Variants in PDE1C observed in about 807,000 individuals in gnomAD.
PDE1C encodes the protein dual specificity calcium/calmodulin-dependent 3',5'-cyclic nucleotide phosphodiesterase 1C.
In PDE1C, 62 loss-of-function variants were observed where a neutral mutation model predicts 93.1. The ratio of observed to expected loss-of-function variants is 0.67; its 90% confidence interval spans 0.54 to 0.82. The LOEUF (loss-of-function observed/expected upper bound fraction) is 0.82, where lower values mean the gene tolerates loss of function less well. Among genes scored for constraint, PDE1C ranks in the 40% least tolerant of loss-of-function variants. PDE1C has a pLI of 0.00. For synonymous variants in PDE1C, 325 were observed against 310.1 expected, an observed-to-expected ratio of 1.05 and a Z score of -0.50; for missense variants, 742 against 884.6, an observed-to-expected ratio of 0.84 and a Z score of 2.04.
chr7:31,990,346 T>C (rs1278621956), intron 2 of PDE1C, among the ~76,000 whole-genome samples: 1 of 152,206 alleles, frequency 6.6e-6, no homozygotes, highest in Non-Finnish European at 1.5e-5. Context: ...CCTGCTGCCA[T>C]GTAAGACATG....
intron 1 of PDE1C, among the ~76,000 whole-genome samples, chr7:32,419,504 C>T: frequency 6.6e-6 from 1 of 152,118 alleles, no homozygotes; most frequent in Non-Finnish European, 1.5e-5. Flanking sequence ...AGTAGCTTCA[C>T]AAAAATCCAG....
At chr7:32,206,129 A>C (rs1283060675) in intron 2 of PDE1C, among the ~76,000 whole-genome samples, 1 of 152,058 alleles carries the variant, frequency 6.6e-6, no homozygotes, top group Non-Finnish European at 1.5e-5. Context: ...CAGAATTCAA[A>C]CCCCGGCTTG....
intron 11 of PDE1C, among the ~76,000 whole-genome samples, chr7:31,835,240 T>C (rs535456119): frequency 6.6e-6 from 1 of 152,230 alleles, no homozygotes; most frequent in African/African-American, 2.4e-5. Flanking sequence ...CAGGGTGATA[T>C]TGCAAAAGTA....
At chr7:32,110,943 C>T (rs1798605148) in intron 3 of PDE1C, among the ~76,000 whole-genome samples, 1 of 152,068 alleles carries the variant, frequency 6.6e-6, no homozygotes, top group Non-Finnish European at 1.5e-5. Flanking sequence ...TTGGAGGGTG[C>T]TGTTAGGGAA....
At chr7:31,816,963 T>A (rs1014274312) in intron 14 of PDE1C, among the ~76,000 whole-genome samples, 2 of 152,136 alleles carry the variant, frequency 1.3e-5, no homozygotes, top group African/African-American at 4.8e-5. Flanking sequence ...GGTTAAGTAT[T>A]TATGAAAAGA....
intron 9 of PDE1C, among the ~76,000 whole-genome samples, chr7:31,844,089 T>A (rs2128784014): frequency 6.6e-6 from 1 of 151,938 alleles, no homozygotes; most frequent in African/African-American, 2.4e-5. Context: ...GGTGTTGTAA[T>A]TTTTGCTTCA....
chr7:31,874,785 T>C (rs1796342298), intron 5 of PDE1C, among the ~76,000 whole-genome samples: 1 of 152,278 alleles, frequency 6.6e-6, no homozygotes, highest in Non-Finnish European at 1.5e-5. Flanking sequence ...CACATTTCTG[T>C]GAGCACATTT....
intron 2 of PDE1C, among the ~76,000 whole-genome samples, chr7:31,935,036 A>G (rs1212630971): frequency 6.8e-6 from 1 of 146,530 alleles, no homozygotes; most frequent in East Asian, 2.0e-4. Context: ...GGACAAAAAT[A>G]TCAAGTTAAC....
At chr7:32,403,574 G>A (rs985348583) in intron 1 of PDE1C, among the ~76,000 whole-genome samples, 1 of 152,210 alleles carries the variant, frequency 6.6e-6, no homozygotes, top group Non-Finnish European at 1.5e-5. Context: ...GACCTGCGGT[G>A]TGGAAGCATA....
At chr7:31,630,244 C>CAAAAAA in the PDE1C span, among the ~76,000 whole-genome samples, 3 of 103,712 alleles carry the variant, frequency 2.9e-5, no homozygotes, top group African/African-American at 3.8e-5. Flanking sequence ...GTCTACTTGG[C>CAAAAAA]AAAAAAAAAA....
chr7:32,282,511 T>TA lies in PDE1C; in HGVS notation c.85+16139_85+16140insT, dbSNP rs1304841647. On this transcript the variant is annotated intron_variant, in intron 1 of 18. Coordinates refer to the PDE1C transcript ENST00000396193. The stretch of plus-strand genomic sequence containing the variant: ...ATAGATAGATAGATAGATAGATAGA[T>TA]GGTCAATTAACACAGGAACAAAACA... Among the ~76,000 whole-genome samples the TA allele has an allele frequency of 3.9e-3, 596 of 151,516 alleles. 7 individuals carry two copies. Among genetic ancestry groups the TA allele is most frequent in the African/African-American group, 0.013 (551 of 41,308 alleles).
chr7:32,295,819 G>A (rs1020376882), intron 1 of PDE1C, among the ~76,000 whole-genome samples: 1 of 151,234 alleles, frequency 6.6e-6, no homozygotes, highest in Non-Finnish European at 1.5e-5. Flanking sequence ...GTGTGAACGC[G>A]GGAGGCGGAG....
At chr7:32,081,966 T>C (rs1796688801) in intron 3 of PDE1C, among the ~76,000 whole-genome samples, 1 of 152,218 alleles carries the variant, frequency 6.6e-6, no homozygotes, top group African/African-American at 2.4e-5. Flanking sequence ...CATTTCCATC[T>C]GAGGTACCAG....
rs1437977099 is a variant in PDE1C, at chr7:31,752,602, G to A, written c.*782C>T. ...TGACTCTTAAACCTGCAGTCTTTAA[G>A]GCAAGATTTTTTGTATCATCTACTG... On this transcript the variant is annotated 3_prime_UTR_variant, in exon 18 of 18. Coordinates refer to ENST00000396191, the MANE Select transcript of PDE1C (RefSeq NM_001191057.4). 1.3e-5 allele frequency: 2 copies of A among 152,096 alleles called. No homozygotes were observed. Among genetic ancestry groups the A allele is most frequent in the Admixed American group, 6.6e-5 (1 of 15,258 alleles). The allele number at this position is 152,096 out of a possible 1,614,324, so 9.4% of individuals were successfully genotyped here.
chr7:31,853,871 C>T (rs1319953166), intron 7 of PDE1C, among the ~76,000 whole-genome samples: 1 of 130,400 alleles, frequency 7.7e-6, no homozygotes. Flanking sequence ...CACTGCCATG[C>T]CCAGCTATTT....
intron 1 of PDE1C, among the ~76,000 whole-genome samples, chr7:32,293,013 C>G (rs1812430407): frequency 6.6e-6 from 1 of 152,216 alleles, no homozygotes; most frequent in Admixed American, 6.5e-5. Context: ...TGCCCACCCA[C>G]AGAGTGCAGC....
At chr7:32,185,478 T>C (rs758087193) in intron 2 of PDE1C, among the ~76,000 whole-genome samples, 4 of 152,154 alleles carry the variant, frequency 2.6e-5, no homozygotes, top group Non-Finnish European at 5.9e-5. Context: ...CCTATAAAAC[T>C]CTTGGAATCC....
the PDE1C span, among the ~76,000 whole-genome samples, chr7:31,667,874 A>T: frequency 1.3e-5 from 2 of 151,940 alleles, no homozygotes; most frequent in African/African-American, 2.4e-5. Context: ...ATCTGTGACC[A>T]GTGCTTTTTC....
At chr7:31,951,238 T>G (rs1161966914) in intron 2 of PDE1C, among the ~76,000 whole-genome samples, 1 of 152,206 alleles carries the variant, frequency 6.6e-6, no homozygotes, top group Non-Finnish European at 1.5e-5. Context: ...AACATGTAAA[T>G]TTTGTCCATA....
Sources: allele counts gnomAD v4.1 joint callset (sites outside exome capture counted in the v4.1 genomes callset), GRCh38; gene constraint gnomAD v4.1.1; transcripts MANE v1.5; gene names NCBI Gene and HGNC (gene_info 2026-07-23, HGNC 2026-07-21).